The following SLCO3A1 variants were observed in gnomAD, a reference collection of about 807,000 sequenced individuals.
SLCO3A1 encodes PGE1 transporter.
Under a neutral mutation model 63.1 loss-of-function variants are expected in SLCO3A1, and 27 were observed. That is an observed-to-expected ratio of 0.43 (90% CI 0.32 to 0.59). The LOEUF (loss-of-function observed/expected upper bound fraction) is 0.59, where lower values mean the gene tolerates loss of function less well. Ranked by LOEUF, SLCO3A1 falls within the 20% of genes least tolerant of loss-of-function variation. The pLI is 0.09. For synonymous variants in SLCO3A1, 473 were observed against 409.9 expected, an observed-to-expected ratio of 1.15 and a Z score of -1.86; for missense variants, 773 against 945.8, an observed-to-expected ratio of 0.82 and a Z score of 2.40.
At chr15:91,913,104 G>T (rs1224494375) in intron 1 of SLCO3A1, among the ~76,000 whole-genome samples, 1 of 152,222 alleles carries the variant, frequency 6.6e-6, no homozygotes, top group African/African-American at 2.4e-5. Context: ...ATGATGCCAG[G>T]ACTAGCTAAA....
At chr15:92,058,028 A>G (rs1480181492) in intron 2 of SLCO3A1, among the ~76,000 whole-genome samples, 1 of 152,224 alleles carries the variant, frequency 6.6e-6, no homozygotes, top group Non-Finnish European at 1.5e-5. Context: ...GAAGCAGAGA[A>G]GTGGTGTGAC....
chr15:92,012,002 C>T (rs2046374113), intron 2 of SLCO3A1, among the ~76,000 whole-genome samples: 1 of 152,222 alleles, frequency 6.6e-6, no homozygotes, highest in Admixed American at 6.5e-5. Context: ...AGCGAATCAC[C>T]AGCACATGAG....
intron 9 of SLCO3A1, among the ~76,000 whole-genome samples, chr15:92,155,789 G>A (rs950642510): frequency 6.6e-6 from 1 of 152,194 alleles, no homozygotes; most frequent in African/African-American, 2.4e-5. Flanking sequence ...TCAAGATGAG[G>A]CTGAGGTTTG....
At chr15:92,059,218 G>A (rs2047057174) in intron 2 of SLCO3A1, among the ~76,000 whole-genome samples, 1 of 152,214 alleles carries the variant, frequency 6.6e-6, no homozygotes, top group East Asian at 1.9e-4. Context: ...CTGTCACAGA[G>A]AAAGGCCAAA....
intron 1 of SLCO3A1, chr15:91,889,091 G>T: frequency 1.8e-6 from 2 of 1,119,628 alleles, no homozygotes; most frequent in South Asian, 1.6e-5. Context: ...TTGTGTACTT[G>T]TTATTACAGA....
chr15:92,058,057 C>T (rs752544030), intron 2 of SLCO3A1, among the ~76,000 whole-genome samples: 7 of 152,080 alleles, frequency 4.6e-5, no homozygotes, highest in Non-Finnish European at 8.8e-5. Context: ...GGTCACACAG[C>T]GGGTAAGGGG....
chr15:92,151,107 GTC>G (rs2048299781), intron 9 of SLCO3A1, 93 bp downstream of exon 9: 4 of 915,822 alleles, frequency 4.4e-6, no homozygotes, highest in Non-Finnish European at 5.1e-6. Context: ...TCCTAGGTCT[GTC>G]TCTTTTTTCT....
chr15:92,059,477 G>T (rs1345595663), intron 2 of SLCO3A1, among the ~76,000 whole-genome samples: 3 of 152,176 alleles, frequency 2.0e-5, no homozygotes, highest in African/African-American at 7.2e-5. Flanking sequence ...CTTTTCCCCA[G>T]GGCTTCACAG....
chr15:91,911,653 G>A (rs1374737503), intron 1 of SLCO3A1, among the ~76,000 whole-genome samples: 2 of 151,814 alleles, frequency 1.3e-5, no homozygotes, highest in Admixed American at 1.3e-4. Context: ...TTGAGACGGA[G>A]TCTTGCTTTG....
intron 1 of SLCO3A1, among the ~76,000 whole-genome samples, chr15:91,898,812 T>C (rs1397089103): frequency 6.6e-6 from 1 of 152,180 alleles, no homozygotes; most frequent in Non-Finnish European, 1.5e-5. Context: ...ATTGGTAGTA[T>C]TAAAATTTCA....
intron 2 of SLCO3A1, among the ~76,000 whole-genome samples, chr15:92,004,195 A>G (rs2046287663): frequency 6.6e-6 from 1 of 152,174 alleles, no homozygotes; most frequent in African/African-American, 2.4e-5. Flanking sequence ...ATGCTGGACT[A>G]GCTGGGAGTC....
chr15:91,939,841 C>T lies in SLCO3A1; in HGVS notation c.646+23383C>T, dbSNP rs543260042. On this transcript the variant is annotated intron_variant, in intron 2 of 9. Coordinates refer to ENST00000318445, the MANE Select transcript of SLCO3A1 (RefSeq NM_013272.4). ...GGTGCTGCTTCGAGCCATGCCAGCC[C>T]GCTGCTGATGTGACACAGCTAGCAA... is the stretch of plus-strand genomic sequence containing the variant. Among the ~76,000 whole-genome samples the T allele has an allele frequency of 3.9e-5, 6 of 152,282 alleles. No individual in the cohort carries two copies. In the South Asian group the frequency reaches 6.2e-4, roughly 16 times the overall value.
chr15:91,889,243 TGGTCCTGCTGGAC>T, intron 1 of SLCO3A1: 1 of 1,043,646 alleles, frequency 9.6e-7, no homozygotes, highest in Non-Finnish European at 1.3e-6. Context: ...GGACTGTGGG[TGGTCCTGCTGGAC>T]CTGGAGTGCA....
Position 91,875,091 on chromosome 15 carries a change from G to T in SLCO3A1, c.180+21003G>T, listed in dbSNP as rs1277659478. ...TTTGCCGCCTTGAAGTTGGCAGACA[G>T]TCTGTGTTGGTGCCCTTTTAATAGA... On this transcript the variant is annotated intron_variant, in intron 1 of 9. Coordinates refer to ENST00000318445, the MANE Select transcript of SLCO3A1 (RefSeq NM_013272.4). This position sits in a 1 kb window ranked among gnomAD's most constrained non-coding sequence, Gnocchi z 4.5. Among the ~76,000 whole-genome samples, 1 of 152,226 alleles carries T rather than the reference G, an allele frequency of 6.6e-6. No homozygotes were observed. The highest frequency in any genetic ancestry group is 1.5e-5 in the Non-Finnish European group (1 of 68,044).
rs1448984279 is a variant in SLCO3A1 at position 91,897,560 on chromosome 15, T to G, written c.181-18433T>G. 2.0e-5 allele frequency among the ~76,000 whole-genome samples: 3 copies of G among 152,224 alleles called. No homozygotes were observed. On this transcript the variant is annotated intron_variant, in intron 1 of 9. Transcript: ENST00000318445. This position sits in a 1 kb window ranked among gnomAD's most constrained non-coding sequence, Gnocchi z 4.7. ...GATCAAAATAAAAAACTCAACAGGC[T>G]TCTTCTGATTTCTGACAGTTTCTTT...
chr15:92,084,988 A>G, intron 2 of SLCO3A1, among the ~76,000 whole-genome samples: 1 of 152,168 alleles, frequency 6.6e-6, no homozygotes, highest in Non-Finnish European at 1.5e-5. Flanking sequence ...GTGGAAACTG[A>G]TGTTTATGAA....
chr15:91,935,761 A>G (rs186038117), intron 2 of SLCO3A1, among the ~76,000 whole-genome samples: 2 of 152,020 alleles, frequency 1.3e-5, no homozygotes, highest in East Asian at 1.9e-4. Context: ...ATCTGTGCCT[A>G]TATGTGGTCA....
chr15:91,928,311 ACTCC>A (rs1899103920), intron 2 of SLCO3A1, among the ~76,000 whole-genome samples: 2 of 151,792 alleles, frequency 1.3e-5, no homozygotes, highest in South Asian at 2.1e-4. Flanking sequence ...ATACTCTCTC[ACTCC>A]CTCCTCATAA....
chr15:92,029,993 A>G lies in SLCO3A1; in HGVS notation c.647-64888A>G, dbSNP rs577131480. Among the ~76,000 whole-genome samples, 86 of 152,234 alleles carry G rather than the reference A, an allele frequency of 5.6e-4. 1 individual carries two copies. Among genetic ancestry groups the G allele is most frequent in the African/African-American group, 2.0e-3 (84 of 41,532 alleles). ...TCAGTCTGGCTTCAACCGTTGCATT[A>G]TTACTCTAATAAAATGTCCTCGGCT... On this transcript the variant is annotated intron_variant, in intron 2 of 9. Coordinates refer to ENST00000318445, the MANE Select transcript of SLCO3A1 (RefSeq NM_013272.4).
Sources: gnomAD v4.1 joint callset for allele counts (sites outside exome capture counted in the v4.1 genomes callset) on GRCh38, gnomAD v4.1.1 for gene constraint, Gnocchi (gnomAD v3.1) non-coding constraint, MANE v1.5 for transcripts, NCBI Gene and HGNC (gene_info 2026-07-23, HGNC 2026-07-21) for gene names.